The following NLRP9 variants were observed in gnomAD, a reference collection of about 807,000 sequenced individuals.
The protein encoded by NLRP9 is NACHT, LRR and PYD domains-containing protein 9.
Under a neutral mutation model 83.1 loss-of-function variants are expected in NLRP9, and 88 were observed. That is an observed-to-expected ratio of 1.06 (90% CI 0.89 to 1.26). NLRP9 has a LOEUF of 1.26. Among genes scored for constraint, NLRP9 ranks in the 50% most tolerant of loss-of-function variants. NLRP9 has a pLI of 0.00. For synonymous variants in NLRP9, 521 were observed against 447.6 expected, an observed-to-expected ratio of 1.16 and a Z score of -2.07; for missense variants, 1,308 against 1,179.3, an observed-to-expected ratio of 1.11 and a Z score of -1.60.
In NLRP9 at chr19:55,711,799, C is replaced by T; in HGVS notation, c.2843+1G>A. On this transcript the variant is annotated splice_donor_variant, in intron 8 of 8. Transcript: ENST00000332836. LOFTEE classifies it high-confidence loss of function. ...CCCCAAAGGAAACAGTGTCCACTCA[C>T]CCCAGCATCTGCAGGGCACAGTCCG... 6.2e-7 allele frequency: 1 copy of T among 1,612,764 alleles called. No individual in the cohort carries two copies. Among genetic ancestry groups the T allele is most frequent in the East Asian group, 2.2e-5 (1 of 44,862 alleles).
chr19:55,733,925 T>TTTTTTTTC, intron 1 of NLRP9, among the ~76,000 whole-genome samples: 1 of 136,754 alleles, frequency 7.3e-6, no homozygotes, highest in Admixed American at 6.9e-5. Flanking sequence ...CCAAATTTTT[T>TTTTTTTTC]TTTTTTTTTT....
intron 1 of NLRP9, among the ~76,000 whole-genome samples, chr19:55,735,678 C>T (rs916929907): frequency 1.3e-5 from 2 of 151,780 alleles, no homozygotes; most frequent in Admixed American, 1.3e-4. Flanking sequence ...AAACACTATG[C>T]TATTTATTAA....
At chr19:55,718,355 C>T (rs1053517546) in intron 4 of NLRP9, among the ~76,000 whole-genome samples, 3 of 152,202 alleles carry the variant, frequency 2.0e-5, no homozygotes, top group African/African-American at 7.2e-5. Context: ...AGGGAGGCCT[C>T]TTTGCAGTTG....
At chr19:55,712,273 C>A in intron 7 of NLRP9, 147 bp downstream of exon 7, 1 of 722,818 alleles carries the variant, frequency 1.4e-6, no homozygotes, top group Non-Finnish European at 2.2e-6. Flanking sequence ...CAAGACTGAG[C>A]AAACCCTGGG....
In NLRP9 at chr19:55,732,957, G is replaced by A; in HGVS notation, c.874C>T (p.Leu292Phe). 1 of 1,614,126 alleles carries A rather than the reference G, an allele frequency of 6.2e-7. No homozygotes were observed. Among genetic ancestry groups the A allele is most frequent in the South Asian group, 1.1e-5 (1 of 91,074 alleles). The change falls in exon 2 of 9, where the codon CTC becomes TTC. Residue 292 changes from leucine to phenylalanine, a missense_variant. Leu to Phe is a conservative substitution (Grantham distance 22). Coordinates refer to ENST00000332836, the MANE Select transcript of NLRP9 (RefSeq NM_176820.4). ...KHYFMLRHPK[L>F]IKLLGFSESE... Reference sequence around the variant, plus strand: ...TCACTGAATCCTAAGAGCTTTATGAGTTTTGGATGCCGCAACATAAAATAG... The same window carrying A: ...TCACTGAATCCTAAGAGCTTTATGAATTTTGGATGCCGCAACATAAAATAG...
chr19:55,715,966 AC>A (rs1275473852), intron 5 of NLRP9, among the ~76,000 whole-genome samples: 4 of 152,262 alleles, frequency 2.6e-5, no homozygotes, highest in Admixed American at 2.6e-4. Context: ...TGCTCTAGTC[AC>A]AAAAAAATAA....
In NLRP9 at chr19:55,715,224, A is replaced by T. The variant is rs1190006806; in HGVS notation, c.2332T>A (p.Leu778Met). 1.9e-6 allele frequency: 3 copies of T among 1,612,444 alleles called. No individual in the cohort carries two copies. The African/African-American group carries it at 4.0e-5, about 22-fold the overall frequency. Residue 778 changes from leucine (L) to methionine (M), a missense_variant and splice_region_variant, in exon 6 of 9, where the codon TTG becomes ATG. Transcript: ENST00000332836. ...ACAGAGGTGAGACAGCAGTACATCA[A>T]CCTGCAAAGAAACACACCGTCTCCC... ...HSHCALERLM[L>M]MYCCLTSVSC...
At chr19:55,725,780 A>G (rs1988382505) in intron 3 of NLRP9, among the ~76,000 whole-genome samples, 1 of 152,082 alleles carries the variant, frequency 6.6e-6, no homozygotes, top group Non-Finnish European at 1.5e-5. Context: ...TAATCTCAGC[A>G]CTTTGGGAGG....
Position 55,715,204 on chromosome 19 carries a change from G to A in NLRP9, c.2352C>T (p.Thr784=), listed in dbSNP as rs372791408. ...CGGAAATGGAGTCACAGGAGACAGAGGTGAGACAGCAGTACATCAACCTGC... is the reference window on the plus strand; with the variant it reads ...CGGAAATGGAGTCACAGGAGACAGAAGTGAGACAGCAGTACATCAACCTGC... The part of the protein sequence containing the change: ...ERLMLMYCCL[T]SVSCDSISEV... The change falls in exon 6 of 9, where the codon ACC becomes ACT. Residue 784 remains threonine, a synonymous_variant. Transcript: ENST00000332836. The A allele has an allele frequency of 6.2e-5, 100 of 1,613,178 alleles. No homozygotes were observed. Among genetic ancestry groups the A allele is most frequent in the East Asian group, 2.2e-4 (10 of 44,876 alleles).
chr19:55,709,271 T>A, intron 8 of NLRP9: 1 of 305,650 alleles, frequency 3.3e-6, no homozygotes, highest in Non-Finnish European at 6.0e-6. Flanking sequence ...CAATTAAGAT[T>A]TAATTCAAAA....
rs1987552262 is a variant in NLRP9, at chr19:55,708,725, A to C, written c.*187T>G. 2 of 455,130 alleles carry C rather than the reference A, an allele frequency of 4.4e-6. No individual in the cohort carries two copies. Among genetic ancestry groups the C allele is most frequent in the East Asian group, 6.5e-5 (2 of 30,702 alleles). The allele number at this position is 455,130 out of a possible 1,614,324, so 28.2% of individuals were successfully genotyped here. ...CTAAAGACAAGGGGATATAGGACCGAGGCAAAGACAATCAGCATGTACACT... is the reference window on the plus strand; with the variant it reads ...CTAAAGACAAGGGGATATAGGACCGCGGCAAAGACAATCAGCATGTACACT... On this transcript the variant is annotated 3_prime_UTR_variant, in exon 9 of 9. Coordinates refer to ENST00000332836, the MANE Select transcript of NLRP9 (RefSeq NM_176820.4).
chr19:55,715,920 C>A (rs942785390), intron 5 of NLRP9, among the ~76,000 whole-genome samples: 4 of 152,110 alleles, frequency 2.6e-5, no homozygotes, highest in Non-Finnish European at 4.4e-5. Context: ...GTTTAATACA[C>A]ATATTTAAGG....
intron 6 of NLRP9, 79 bp downstream of exon 6, chr19:55,714,976 C>G (rs1987949045): frequency 7.5e-7 from 1 of 1,332,826 alleles, no homozygotes; most frequent in Admixed American, 2.1e-5. Flanking sequence ...CTAGCATATC[C>G]CTTTCCTATG....
Position 55,733,350 on chromosome 19 carries a change from G to C in NLRP9, c.481C>G (p.Leu161Val), listed in dbSNP as rs866478114. Reference protein sequence around the residue: ...EGPDGIGKTTLLRKVMLDWAE... With the variant: ...EGPDGIGKTTVLRKVMLDWAE... ...CAGTCCAACATCACTTTTCTTAAAA[G>C]GGTTGTTTTTCCAATTCCATCAGGA... The change falls in exon 2 of 9, where the codon CTT becomes GTT. Residue 161 changes from leucine to valine, a missense_variant. Leu to Val is a conservative substitution (Grantham distance 32). Coordinates refer to ENST00000332836, the MANE Select transcript of NLRP9 (RefSeq NM_176820.4). 2 of 1,614,114 alleles carry C rather than the reference G, an allele frequency of 1.2e-6. No individual in the cohort carries two copies. Among genetic ancestry groups the C allele is most frequent in the Non-Finnish European group, 1.7e-6 (2 of 1,179,994 alleles).
At chr19:55,714,586 AT>A (rs34849666) in intron 6 of NLRP9, among the ~76,000 whole-genome samples, 16 of 147,990 alleles carry the variant, frequency 1.1e-4, no homozygotes, top group South Asian at 8.5e-4. Flanking sequence ...CCTCATCTGG[AT>A]TTTTTTTTTT....
At chr19:55,716,682 G>A in intron 5 of NLRP9, 46 bp downstream of exon 5, 1 of 1,529,316 alleles carries the variant, frequency 6.5e-7, no homozygotes, top group Non-Finnish European at 9.1e-7. Context: ...GGATCCAGGT[G>A]CACGCTTCAG....
intron 7 of NLRP9, 23 bp downstream of exon 7, chr19:55,712,396 CG>C: frequency 6.3e-7 from 1 of 1,586,922 alleles, no homozygotes; most frequent in Non-Finnish European, 8.6e-7. Flanking sequence ...AATTTTCCTA[CG>C]ATGGTGATCA....
chr19:55,710,892 C>T (rs1335607503), intron 8 of NLRP9, among the ~76,000 whole-genome samples: 1 of 152,042 alleles, frequency 6.6e-6, no homozygotes, highest in Non-Finnish European at 1.5e-5. Flanking sequence ...TCGAGACTAG[C>T]CTGGCCAACA....
intron 4 of NLRP9, among the ~76,000 whole-genome samples, chr19:55,717,349 A>G (rs1018843937): frequency 3.9e-5 from 6 of 152,154 alleles, no homozygotes; most frequent in Admixed American, 2.6e-4. Context: ...CAAACTTTTA[A>G]GAAGTGCAAA....
Sources: allele counts gnomAD v4.1 joint callset (sites outside exome capture counted in the v4.1 genomes callset), GRCh38; gene constraint gnomAD v4.1.1; transcripts MANE v1.5; gene names NCBI Gene and HGNC (gene_info 2026-07-23, HGNC 2026-07-21).